Variants in TMEM178B observed in about 807,000 individuals in gnomAD.
The protein encoded by TMEM178B is transmembrane protein 178B.
In TMEM178B, 5 loss-of-function variants were observed where a neutral mutation model predicts 31.0. The observed-to-expected ratio is 0.16, with a 90% CI of 0.08 to 0.34. The LOEUF is 0.34. TMEM178B is among the 10% of genes least tolerant of loss of function. TMEM178B has a pLI of 1.00. For missense variants in TMEM178B, 275 were observed against 400.3 expected (o/e 0.69, Z 2.67); for synonymous variants, 164 against 164.0 (o/e 1.00, Z 0.00).
chr7:141,446,748 C>G (rs1181760), intron 3 of TMEM178B, among the ~76,000 whole-genome samples: 122,000 of 152,078 alleles, frequency 0.8, 49,214 homozygotes, highest in African/African-American at 0.87. Flanking sequence ...AAAAGAGGTC[C>G]AATAACAGGA....
At chr7:141,127,923 C>T (rs1795526473) in intron 1 of TMEM178B, among the ~76,000 whole-genome samples, 1 of 152,160 alleles carries the variant, frequency 6.6e-6, no homozygotes, top group South Asian at 2.1e-4. Flanking sequence ...CTCTCAGATT[C>T]TGTTGGCTGT....
chr7:141,382,742 G>T (rs1343746654), intron 2 of TMEM178B, among the ~76,000 whole-genome samples: 1 of 152,134 alleles, frequency 6.6e-6, no homozygotes, highest in Non-Finnish European at 1.5e-5. Context: ...ATGACAAAGA[G>T]AAAACAACAG....
Position 141,422,003 on chromosome 7 carries a change from G to C in TMEM178B, c.497-15605G>C, listed in dbSNP as rs2116653336. On this transcript the variant is annotated intron_variant, in intron 2 of 3. Transcript: ENST00000565468. This position sits in a 1 kb window ranked among gnomAD's most constrained non-coding sequence, Gnocchi z 4.2. ...AAAATTTGATTCAGATCTAATATCG[G>C]AACCTCAGTCTTATATTAATATTTA... is the stretch of plus-strand genomic sequence containing the variant. Among the ~76,000 whole-genome samples the C allele has an allele frequency of 6.6e-6, 1 of 152,134 alleles. No individual in the cohort carries two copies. Among genetic ancestry groups the C allele is most frequent in the Admixed American group, 6.5e-5 (1 of 15,286 alleles).
the TMEM178B span, among the ~76,000 whole-genome samples, chr7:141,509,380 T>C: frequency 3.3e-5 from 5 of 152,314 alleles, no homozygotes; most frequent in Admixed American, 2.6e-4. Context: ...CCAGGCACGG[T>C]GGCTCATGCA....
At position 141,476,442 on chromosome 7, in the gene TMEM178B, T is replaced by A. The variant is rs1802366000; in HGVS notation, c.*5656T>A. On this transcript the variant is annotated 3_prime_UTR_variant, in exon 4 of 4. Coordinates refer to ENST00000565468, the MANE Select transcript of TMEM178B (RefSeq NM_001195278.2). The stretch of plus-strand genomic sequence containing the variant: ...AAGGCACATGGTCAATGCCTTAGTA[T>A]TTTTTTTTTTAATTCTCCTAACGTT... 1.4e-5 allele frequency: 2 copies of A among 141,796 alleles called. No individual in the cohort carries two copies. Among genetic ancestry groups the A allele is most frequent in the Admixed American group, 7.0e-5 (1 of 14,388 alleles). 8.8% of individuals were successfully genotyped at this position (141,796 alleles called of 1,614,324 possible).
chr7:141,136,979 A>G (rs765350382), intron 1 of TMEM178B, among the ~76,000 whole-genome samples: 2 of 152,232 alleles, frequency 1.3e-5, no homozygotes, highest in Admixed American at 6.5e-5. Context: ...TCATCAGGGA[A>G]ATGCAAATTA....
At chr7:141,215,261 T>C (rs1749960959) in intron 2 of TMEM178B, among the ~76,000 whole-genome samples, 1 of 152,094 alleles carries the variant, frequency 6.6e-6, no homozygotes, top group Non-Finnish European at 1.5e-5. Flanking sequence ...TTGAGAGTCC[T>C]GCACTCTTTA....
At chr7:141,381,516 C>G (rs1448534076) in intron 2 of TMEM178B, among the ~76,000 whole-genome samples, 1 of 152,122 alleles carries the variant, frequency 6.6e-6, no homozygotes, top group Non-Finnish European at 1.5e-5. Flanking sequence ...GTCTAAATGT[C>G]ATTATTTCAA....
At chr7:141,251,825 C>T (rs560642430) in intron 2 of TMEM178B, among the ~76,000 whole-genome samples, 1 of 152,204 alleles carries the variant, frequency 6.6e-6, no homozygotes, top group African/African-American at 2.4e-5. Context: ...GGGTCGTATC[C>T]CCATGAGCTT....
intron 2 of TMEM178B, among the ~76,000 whole-genome samples, chr7:141,410,545 CTTCTT>C (rs1237829001): frequency 2.7e-5 from 4 of 146,402 alleles, no homozygotes; most frequent in South Asian, 2.2e-4. Flanking sequence ...TCTCTCCTTC[CTTCTT>C]TTCTTTTCTT....
At chr7:141,337,161 C>T (rs865814723) in intron 2 of TMEM178B, among the ~76,000 whole-genome samples, 1 of 59,816 alleles carries the variant, frequency 1.7e-5, no homozygotes, top group Non-Finnish European at 3.1e-5. Flanking sequence ...ACCACCATCA[C>T]CACCACCACC....
intron 3 of TMEM178B, among the ~76,000 whole-genome samples, chr7:141,464,778 C>G (rs1408794799): frequency 6.6e-6 from 1 of 152,172 alleles, no homozygotes; most frequent in Non-Finnish European, 1.5e-5. Flanking sequence ...GCCACCAATG[C>G]CCCCTCCCCA....
intron 2 of TMEM178B, among the ~76,000 whole-genome samples, chr7:141,340,822 C>G: frequency 6.6e-6 from 1 of 152,220 alleles, no homozygotes; most frequent in East Asian, 1.9e-4. Context: ...AAAACAGCTT[C>G]TCTCCCTCTC....
intron 2 of TMEM178B, among the ~76,000 whole-genome samples, chr7:141,328,166 A>G (rs765424535): frequency 5.3e-5 from 8 of 152,082 alleles, no homozygotes; most frequent in Non-Finnish European, 1.0e-4. Flanking sequence ...GAATGTATCT[A>G]TTTTCCTTTC....
intron 1 of TMEM178B, among the ~76,000 whole-genome samples, chr7:141,157,820 T>G (rs1275450038): frequency 6.6e-6 from 1 of 152,146 alleles, no homozygotes. Context: ...CTCTCTGAGA[T>G]CCTCATTTCC....
chr7:141,330,475 A>T (rs1799279817), intron 2 of TMEM178B, among the ~76,000 whole-genome samples: 1 of 152,168 alleles, frequency 6.6e-6, no homozygotes, highest in Non-Finnish European at 1.5e-5. Context: ...TTATGGCTGT[A>T]TAGTATTCCA....
chr7:141,482,783 T>C (rs1802499505), downstream of TMEM178B, among the ~76,000 whole-genome samples: 1 of 152,068 alleles, frequency 6.6e-6, no homozygotes, highest in Non-Finnish European at 1.5e-5. Flanking sequence ...TGTCCAGTTG[T>C]CCCCTCCAGT....
intron 2 of TMEM178B, among the ~76,000 whole-genome samples, chr7:141,386,099 G>A (rs1056703558): frequency 2.0e-5 from 3 of 152,210 alleles, no homozygotes; most frequent in African/African-American, 4.8e-5. Context: ...GGCCTTATGA[G>A]CAGGTGGCCT....
chr7:141,247,204 T>TACACACAC (rs3035767), intron 2 of TMEM178B, among the ~76,000 whole-genome samples: 1 of 149,976 alleles, frequency 6.7e-6, no homozygotes, highest in African/African-American at 2.4e-5. Context: ...GGTTTCTCTC[T>TACACACAC]ACACACACAC....
Sources: allele counts gnomAD v4.1 joint callset (sites outside exome capture counted in the v4.1 genomes callset), GRCh38; gene constraint gnomAD v4.1.1; non-coding constraint Gnocchi (gnomAD v3.1); transcripts MANE v1.5; gene names NCBI Gene and HGNC (gene_info 2026-07-23, HGNC 2026-07-21).